The following ANKRD66 variants were observed in gnomAD, a reference collection of about 807,000 sequenced individuals.
ANKRD66 encodes the protein ankyrin repeat domain-containing protein 66.
ANKRD66 carries 10 observed loss-of-function variants against 10.9 expected under a neutral mutation model. That is an observed-to-expected ratio of 0.91 (90% CI 0.56 to 1.55). The LOEUF (loss-of-function observed/expected upper bound fraction) is 1.55. Among genes scored for constraint, ANKRD66 ranks in the 40% most tolerant of loss-of-function variants. The pLI, the probability that ANKRD66 is intolerant of heterozygous loss-of-function variation, is 0.00. For synonymous variants in ANKRD66, 85 were observed against 88.4 expected (o/e 0.96, Z 0.22); for missense variants, 252 against 242.9 (o/e 1.04, Z -0.25).
chr6:46,754,619 G>A (rs2096804196), intron 4 of ANKRD66, among the ~76,000 whole-genome samples: 1 of 152,090 alleles, frequency 6.6e-6, no homozygotes, highest in Admixed American at 6.6e-5. Flanking sequence ...ATCGTTGCTT[G>A]GAAACCAAAT....
chr6:46,755,692 C>T (rs1301483878), intron 4 of ANKRD66, among the ~76,000 whole-genome samples: 7 of 152,080 alleles, frequency 4.6e-5, no homozygotes, highest in Admixed American at 4.6e-4. Context: ...GGACTGTGAA[C>T]ATGTTCAAAT....
At chr6:46,752,261 G>T (rs2150726987) in intron 3 of ANKRD66, 150 bp downstream of exon 3, 1 of 926,850 alleles carries the variant, frequency 1.1e-6, no homozygotes, top group African/African-American at 1.7e-5. Context: ...TTGAGACAGA[G>T]TCTCGCTCTG....
chr6:46,753,715 A>G lies in ANKRD66; in HGVS notation c.164-7A>G. 6.5e-7 allele frequency: 1 copy of G among 1,541,198 alleles called. No homozygotes were observed. Among genetic ancestry groups the G allele is most frequent in the Non-Finnish European group, 8.8e-7 (1 of 1,141,912 alleles). On this transcript the variant is annotated splice_region_variant and splice_polypyrimidine_tract_variant and intron_variant, in intron 3 of 4. Coordinates refer to ENST00000565422, the MANE Select transcript of ANKRD66 (RefSeq NM_001162435.3). Reference sequence around the variant, plus strand: ...ACCTCATCCTGTTTCTTTTTGGTACATCTAAGGGCAAATGGAGGTGATACG... The same window carrying G: ...ACCTCATCCTGTTTCTTTTTGGTACGTCTAAGGGCAAATGGAGGTGATACG...
chr6:46,748,929 A>G (rs1766202587), intron 1 of ANKRD66, among the ~76,000 whole-genome samples: 1 of 152,240 alleles, frequency 6.6e-6, no homozygotes, highest in Non-Finnish European at 1.5e-5. Flanking sequence ...TTCCAGACCT[A>G]CTAAATCAGA....
chr6:46,756,018 C>A, intron 4 of ANKRD66: 1 of 409,054 alleles, frequency 2.4e-6, no homozygotes, highest in Middle Eastern at 3.5e-4. Context: ...AGAACTTTTT[C>A]ATCTTGTAAA....
At chr6:46,756,030 C>A (rs918748789) in intron 4 of ANKRD66, 2 of 419,696 alleles carry the variant, frequency 4.8e-6, no homozygotes, top group African/African-American at 2.1e-5. Flanking sequence ...TCTTGTAAAA[C>A]TGAAACTCCA....
At chr6:46,757,918 GA>G (rs1316322481) in intron 4 of ANKRD66, 3 of 152,204 alleles carry the variant, frequency 2.0e-5, no homozygotes, top group Non-Finnish European at 2.9e-5. Context: ...ACAAGACAGA[GA>G]GTGACTAGGC....
chr6:46,757,708 T>C (rs1327192656), intron 4 of ANKRD66: 3 of 152,226 alleles, frequency 2.0e-5, no homozygotes, highest in African/African-American at 7.2e-5. Context: ...TCCTAGGGAA[T>C]GTTGTGAAAC....
Position 46,746,990 on chromosome 6 carries a change from A to T in ANKRD66, c.-97A>T, listed in dbSNP as rs1766156961. ...GAGCTCCTCAAATTTCACACAAGAC[A>T]GTAAGTGTTTTTAAGTTACCCTCTC... On this transcript the variant is annotated splice_region_variant and 5_prime_UTR_variant, in exon 1 of 5. Transcript: ENST00000565422. 6.5e-7 allele frequency: 1 copy of T among 1,535,398 alleles called. No individual in the cohort carries two copies. The highest frequency in any genetic ancestry group is 8.7e-7 in the Non-Finnish European group (1 of 1,146,774).
chr6:46,747,770 T>C (rs747619944), intron 1 of ANKRD66, among the ~76,000 whole-genome samples: 2 of 152,214 alleles, frequency 1.3e-5, no homozygotes, highest in Non-Finnish European at 2.9e-5. Context: ...CATGTACAAA[T>C]GTTTATATGG....
intron 4 of ANKRD66, among the ~76,000 whole-genome samples, chr6:46,755,530 C>T (rs9367256): frequency 0.2 from 31,016 of 152,126 alleles, 3,567 homozygotes; most frequent in South Asian, 0.45. Flanking sequence ...CCGTCCTGTC[C>T]CTCCTTTGTA....
chr6:46,753,870 C>T lies in ANKRD66; in HGVS notation c.312C>T (p.Asp104=), dbSNP rs767313557. 40 of 1,551,564 alleles carry T rather than the reference C, an allele frequency of 2.6e-5. No individual in the cohort carries two copies. The highest frequency in any genetic ancestry group is 1.2e-4 in the East Asian group (5 of 40,920). The change falls in exon 4 of 5, where the codon GAC becomes GAT. Residue 104 remains aspartate (D), a synonymous_variant. Transcript: ENST00000565422. ...KTLHALHAAI[D]APDFFGDTPK... is the part of the protein sequence containing the mutation. ...TCCATGCATTGCACGCTGCCATCGACGCCCCTGACTTCTTTGGAGACACAC... is the reference window on the plus strand; with the variant it reads ...TCCATGCATTGCACGCTGCCATCGATGCCCCTGACTTCTTTGGAGACACAC...
Position 46,752,048 on chromosome 6 carries a change from G to A in ANKRD66, c.100G>A (p.Asp34Asn). Residue 34 changes from aspartate to asparagine, a missense_variant, in exon 3 of 5, where the codon GAC (aspartate) becomes AAC (asparagine). Coordinates refer to ENST00000565422, the MANE Select transcript of ANKRD66 (RefSeq NM_001162435.3). ...GAAGATTTTGAAGAAAGGTCTCTGT[G>A]ACCCAAACTACAAAGATGTAGACTG... ...VKKILKKGLCDPNYKDVDWND... is the reference protein window; with the variant it reads ...VKKILKKGLCNPNYKDVDWND... The A allele has an allele frequency of 6.5e-7, 1 of 1,538,004 alleles. No individual in the cohort carries two copies. The highest frequency in any genetic ancestry group is 8.8e-7 in the Non-Finnish European group (1 of 1,141,312).
intron 2 of ANKRD66, among the ~76,000 whole-genome samples, 183 bp from the exon 3 acceptor site, chr6:46,751,754 G>A (rs542909313): frequency 3.0e-4 from 46 of 152,262 alleles, no homozygotes; most frequent in African/African-American, 1.1e-3. Flanking sequence ...TAGGGTAGGT[G>A]ACAGGCAGGC....
Position 46,758,906 on chromosome 6 carries a change from G to A in ANKRD66, c.576G>A (p.Lys192=), listed in dbSNP as rs576960379. ...GCCCCACCAGGCCCAGCAATACCAA[G>A]GGGAGGAGAGTATGAGAACTCAACC... ...SRGPTRPSNT[K]GRRV Residue 192 remains lysine (K), a synonymous_variant, in exon 5 of 5, where the codon AAG becomes AAA. Coordinates refer to ENST00000565422, the MANE Select transcript of ANKRD66 (RefSeq NM_001162435.3). The A allele has an allele frequency of 3.2e-6, 5 of 1,549,900 alleles. No individual in the cohort carries two copies. The East Asian group carries it at 9.8e-5, about 30-fold the overall frequency.
chr6:46,747,024 T>C, intron 1 of ANKRD66, 34 bp downstream of exon 1: 1 of 1,527,628 alleles, frequency 6.5e-7, no homozygotes, highest in Non-Finnish European at 8.8e-7. Flanking sequence ...TCTTATTTAC[T>C]ATAGTTATTA....
chr6:46,750,658 T>G (rs1766250397), intron 2 of ANKRD66, among the ~76,000 whole-genome samples: 1 of 148,514 alleles, frequency 6.7e-6, no homozygotes, highest in South Asian at 2.1e-4. Flanking sequence ...AATATATAAT[T>G]ATATATTATA....
chr6:46,750,702 T>G (rs1454919280), intron 2 of ANKRD66, among the ~76,000 whole-genome samples: 1 of 148,918 alleles, frequency 6.7e-6, no homozygotes, highest in African/African-American at 2.4e-5. Context: ...TATATACGTG[T>G]GTGTACATAT....
chr6:46,749,940 A>G lies in ANKRD66; in HGVS notation c.-52A>G, dbSNP rs560057131. On this transcript the variant is annotated 5_prime_UTR_variant, in exon 2 of 5. Coordinates refer to ENST00000565422, the MANE Select transcript of ANKRD66 (RefSeq NM_001162435.3). The stretch of plus-strand genomic sequence containing the variant: ...TGCACTCACCTGGAGGGCTTACCAC[A>G]ACAAAGATGGCCGGACCCCTGCCCA... The G allele has an allele frequency of 6.5e-7, 1 of 1,543,762 alleles. No individual in the cohort carries two copies. Among genetic ancestry groups the G allele is most frequent in the East Asian group, 2.4e-5 (1 of 40,870 alleles).
Sources: allele counts gnomAD v4.1 joint callset (sites outside exome capture counted in the v4.1 genomes callset), GRCh38; gene constraint gnomAD v4.1.1; transcripts MANE v1.5; gene names NCBI Gene and HGNC (gene_info 2026-07-23, HGNC 2026-07-21).